Variants in DIS3L2 observed in about 807,000 individuals in gnomAD.
DIS3L2 encodes DIS3 like 3'-5' exoribonuclease 2, also known as DIS3-like exonuclease 2.
Under a neutral mutation model 97.5 loss-of-function variants are expected in DIS3L2, and 34 were observed. The ratio of observed to expected loss-of-function variants is 0.35; its 90% CI spans 0.27 to 0.46. The LOEUF (loss-of-function observed/expected upper bound fraction) is 0.46. DIS3L2 is among the 20% of genes least tolerant of loss of function. The pLI, the probability that DIS3L2 is intolerant of heterozygous loss-of-function variation, is 1.00. For synonymous variants in DIS3L2, 435 were observed against 445.2 expected, an observed-to-expected ratio of 0.98 and a Z score of 0.29; for missense variants, 1,038 against 1,146.0, an observed-to-expected ratio of 0.91 and a Z score of 1.36.
chr2:231,978,163 A>G lies in DIS3L2; in HGVS notation c.-94+16398A>G, dbSNP rs556881160. On this transcript the variant is annotated intron_variant, in intron 1 of 20. Transcript: ENST00000325385. ...ATTTGTTGGTAATTGAAAAGTTACA[A>G]AGTAATGTATGCAAAATATGTGTAA... 1.7e-4 allele frequency among the ~76,000 whole-genome samples: 26 copies of G among 152,346 alleles called. No individual in the cohort carries two copies. In the South Asian group the frequency reaches 1.9e-3, roughly 11 times the overall value.
chr2:232,154,002 T>C (rs1433957277), intron 8 of DIS3L2, among the ~76,000 whole-genome samples: 2 of 143,074 alleles, frequency 1.4e-5, no homozygotes, highest in East Asian at 4.2e-4. Context: ...CATCGGCTCC[T>C]GAGGCTTCTG....
chr2:232,263,987 A>G (rs1559181740), intron 13 of DIS3L2, among the ~76,000 whole-genome samples: 1 of 152,230 alleles, frequency 6.6e-6, no homozygotes, highest in South Asian at 2.1e-4. Context: ...CAGCGGTCCC[A>G]TTGTTTTGGG....
rs1159140399 is a variant in DIS3L2, at chr2:232,086,613, G to GTATATATATA, written c.367-867_367-858dup. The stretch of plus-strand genomic sequence containing the variant: ...TATATATATATATATGTGTGTGTGT[G>GTATATATATA]TATATATATATATATACACATATAT... On this transcript the variant is annotated intron_variant, in intron 5 of 20. Transcript: ENST00000325385. Among the ~76,000 whole-genome samples the GTATATATATA allele has an allele frequency of 1.3e-4, 13 of 103,766 alleles. 1 individual carries two copies. The South Asian group carries it at 1.4e-3, about 11-fold the overall frequency. 68.1% of individuals were successfully genotyped at this position (103,766 alleles called of 152,430 possible). A position where few individuals can be genotyped will look rare whatever the true frequency, so the allele number is the denominator to read the frequency against.
chr2:232,030,453 C>T (rs976156313), intron 5 of DIS3L2, among the ~76,000 whole-genome samples: 2 of 152,188 alleles, frequency 1.3e-5, no homozygotes, highest in Admixed American at 1.3e-4. Flanking sequence ...GCAGTCCCCA[C>T]GCATTTCTGC....
rs191447436 is a variant in DIS3L2, at chr2:232,269,465, C to T, written c.1659+6025C>T. On this transcript the variant is annotated intron_variant, in intron 13 of 20. Coordinates refer to ENST00000325385, the MANE Select transcript of DIS3L2 (RefSeq NM_152383.5). The surrounding 1 kb of genome is among the most constrained non-coding windows in gnomAD (Gnocchi z 4.5). Reference sequence around the variant, plus strand: ...TGTAGAATCATTCTGTTTTCTTAGTCGTAGAGCTTTTCTATAAATAATATA... The same window carrying T: ...TGTAGAATCATTCTGTTTTCTTAGTTGTAGAGCTTTTCTATAAATAATATA... Among the ~76,000 whole-genome samples, 34 of 152,146 alleles carry T rather than the reference C, an allele frequency of 2.2e-4. No individual in the cohort carries two copies. The South Asian group carries it at 3.1e-3, about 14-fold the overall frequency.
intron 13 of DIS3L2, among the ~76,000 whole-genome samples, chr2:232,295,925 C>T (rs1694715342): frequency 6.6e-6 from 1 of 152,218 alleles, no homozygotes; most frequent in Non-Finnish European, 1.5e-5. Flanking sequence ...ACTCAGAACT[C>T]CATAGCCACT....
chr2:232,022,609 C>T (rs930571035), intron 3 of DIS3L2, among the ~76,000 whole-genome samples: 5 of 152,104 alleles, frequency 3.3e-5, no homozygotes, highest in Non-Finnish European at 5.9e-5. Context: ...AGAAAAGCAT[C>T]TGGAATCAGA....
chr2:232,040,281 G>A (rs1047579916), intron 5 of DIS3L2, among the ~76,000 whole-genome samples: 1 of 152,132 alleles, frequency 6.6e-6, no homozygotes, highest in Non-Finnish European at 1.5e-5. Context: ...TCTCTTCCTG[G>A]TATACTATTG....
At chr2:231,983,907 A>G (rs1480473344) in intron 1 of DIS3L2, among the ~76,000 whole-genome samples, 1 of 151,878 alleles carries the variant, frequency 6.6e-6, no homozygotes, top group East Asian at 1.9e-4. Context: ...AAAAAAAGAA[A>G]AGAATTAAAT....
intron 6 of DIS3L2, among the ~76,000 whole-genome samples, chr2:232,096,338 G>A (rs756668434): frequency 2.3e-4 from 35 of 150,920 alleles, no homozygotes; most frequent in Non-Finnish European, 4.6e-4. Flanking sequence ...TGCCCACCTC[G>A]GCCTCCCAAA....
intron 10 of DIS3L2, among the ~76,000 whole-genome samples, chr2:232,230,124 A>G (rs1227775436): frequency 1.3e-5 from 2 of 152,184 alleles, no homozygotes; most frequent in Admixed American, 6.5e-5. Context: ...GTAAGATTAC[A>G]TAACGAATAC....
intron 9 of DIS3L2, among the ~76,000 whole-genome samples, chr2:232,181,940 C>A (rs558809285): frequency 6.6e-6 from 1 of 152,262 alleles, no homozygotes; most frequent in East Asian, 1.9e-4. Context: ...GCGTGAGCCA[C>A]CGTGCCCGGG....
At position 232,268,160 on chromosome 2, in the gene DIS3L2, G is replaced by A. The variant is rs1001537154; in HGVS notation, c.1659+4720G>A. On this transcript the variant is annotated intron_variant, in intron 13 of 20. Transcript: ENST00000325385. This position sits in a 1 kb window ranked among gnomAD's most constrained non-coding sequence, Gnocchi z 4.1. ...GTTCCTTCTGGGTCACTGACTTTGG[G>A]AATTCAGAGGAAGTTGAAGTAGTGG... 4.6e-5 allele frequency among the ~76,000 whole-genome samples: 7 copies of A among 152,262 alleles called. No homozygotes were observed. The highest frequency in any genetic ancestry group is 1.7e-4 in the African/African-American group (7 of 41,546).
At chr2:231,963,041 A>G (rs1183402629) in intron 1 of DIS3L2, among the ~76,000 whole-genome samples, 2 of 152,138 alleles carry the variant, frequency 1.3e-5, no homozygotes, top group Non-Finnish European at 2.9e-5. Context: ...AGCCGTGAAC[A>G]TACAACTGCA....
intron 14 of DIS3L2, among the ~76,000 whole-genome samples, chr2:232,302,496 A>G (rs149711843): frequency 0.011 from 1,712 of 150,786 alleles, 31 homozygotes; most frequent in African/African-American, 0.039. Flanking sequence ...TTCATTCTCA[A>G]TCTTTAGACA....
intron 6 of DIS3L2, among the ~76,000 whole-genome samples, chr2:232,103,836 A>C (rs530606918): frequency 1.3e-5 from 2 of 152,170 alleles, no homozygotes; most frequent in East Asian, 3.9e-4. Context: ...GTGATTATTG[A>C]TTTCTTTAAA....
intron 11 of DIS3L2, among the ~76,000 whole-genome samples, chr2:232,245,723 C>T (rs1324901451): frequency 6.6e-6 from 1 of 152,070 alleles, no homozygotes; most frequent in African/African-American, 2.4e-5. Flanking sequence ...GGTAACTGAC[C>T]ATTGCAGTGT....
chr2:232,162,050 C>T (rs1309925349), intron 8 of DIS3L2, among the ~76,000 whole-genome samples: 14 of 152,168 alleles, frequency 9.2e-5, no homozygotes, highest in Admixed American at 2.0e-4. Flanking sequence ...GGATTACAGG[C>T]GTGAGCCACT....
At chr2:232,053,112 A>C (rs532678736) in intron 5 of DIS3L2, among the ~76,000 whole-genome samples, 1 of 152,178 alleles carries the variant, frequency 6.6e-6, no homozygotes, top group Non-Finnish European at 1.5e-5. Context: ...ATATTGATTT[A>C]ATTCATGAGG....
Sources: gnomAD v4.1 joint callset for allele counts (sites outside exome capture counted in the v4.1 genomes callset) on GRCh38, gnomAD v4.1.1 for gene constraint, Gnocchi (gnomAD v3.1) non-coding constraint, MANE v1.5 for transcripts, NCBI Gene and HGNC (gene_info 2026-07-23, HGNC 2026-07-21) for gene names.